SHANK2: variants seen among roughly 807,000 people sequenced by gnomAD.
The protein encoded by SHANK2 is SH3 and multiple ankyrin repeat domains 2.
A neutral mutation model predicts 133.7 loss-of-function variants in SHANK2; 43 were observed. The ratio of observed to expected loss-of-function variants is 0.32; its 90% confidence interval spans 0.25 to 0.41. The LOEUF is 0.41. SHANK2 is among the 10% of genes least tolerant of loss of function. The pLI, the probability that SHANK2 is intolerant of heterozygous loss-of-function variation, is 1.00. For synonymous variants in SHANK2, 1,017 were observed against 952.8 expected, an observed-to-expected ratio of 1.07 and a Z score of -1.24; for missense variants, 1,994 against 2,235.8, an observed-to-expected ratio of 0.89 and a Z score of 2.18.
chr11:70,832,823 C>G (rs1555058956), intron 11 of SHANK2, among the ~76,000 whole-genome samples: 1 of 152,194 alleles, frequency 6.6e-6, no homozygotes, highest in African/African-American at 2.4e-5. Context: ...CTGAGAAGGC[C>G]TGTACTGCCC....
intron 3 of SHANK2, among the ~76,000 whole-genome samples, chr11:71,136,861 G>A (rs553361610): frequency 3.7e-4 from 57 of 152,250 alleles, no homozygotes; most frequent in African/African-American, 1.4e-3. Flanking sequence ...TCATCAAATG[G>A]TATTCTTTTT....
intron 3 of SHANK2, among the ~76,000 whole-genome samples, chr11:71,138,042 G>A (rs1296439158): frequency 6.7e-6 from 1 of 149,780 alleles, no homozygotes; most frequent in Non-Finnish European, 1.5e-5. Flanking sequence ...TGCACCAGCC[G>A]CCCAGAGCCC....
At chr11:70,895,902 T>A (rs953904383) in intron 11 of SHANK2, among the ~76,000 whole-genome samples, 1 of 151,882 alleles carries the variant, frequency 6.6e-6, no homozygotes, top group Non-Finnish European at 1.5e-5. Flanking sequence ...GCAGAAGGAA[T>A]AGAGCTTACC....
chr11:71,132,422 CTG>C (rs1308410947), intron 3 of SHANK2, among the ~76,000 whole-genome samples: 55 of 152,222 alleles, frequency 3.6e-4, no homozygotes, highest in African/African-American at 1.3e-3. Flanking sequence ...TCCCCCTACA[CTG>C]TGGGATTTAC....
At chr11:70,604,125 C>T (rs1344986809) in intron 17 of SHANK2, 1 of 152,252 alleles carries the variant, frequency 6.6e-6, no homozygotes, top group Non-Finnish European at 1.5e-5. Context: ...GGAGGGACAG[C>T]CCCTCTGTCT....
At chr11:71,057,916 T>TTTTTG (rs1463381449) in intron 9 of SHANK2, among the ~76,000 whole-genome samples, 4 of 145,268 alleles carry the variant, frequency 2.8e-5, no homozygotes, top group African/African-American at 1.0e-4. Flanking sequence ...GCAAAACGGT[T>TTTTTG]TTTTTTTTTT....
At chr11:70,891,733 G>T (rs1590803711) in intron 11 of SHANK2, among the ~76,000 whole-genome samples, 1 of 152,078 alleles carries the variant, frequency 6.6e-6, no homozygotes, top group African/African-American at 2.4e-5. Context: ...CCATCCCCCA[G>T]GGTAGAGGGC....
At chr11:71,110,240 C>T (rs1243395661) in intron 5 of SHANK2, among the ~76,000 whole-genome samples, 191 bp from the exon 6 acceptor site, 2 of 152,144 alleles carry the variant, frequency 1.3e-5, no homozygotes, top group Non-Finnish European at 2.9e-5. Context: ...AGATCGAGAC[C>T]ATCCTGGCTA....
At chr11:70,645,424 CA>C (rs1452051129) in intron 17 of SHANK2, among the ~76,000 whole-genome samples, 1 of 151,848 alleles carries the variant, frequency 6.6e-6, no homozygotes, top group Non-Finnish European at 1.5e-5. Flanking sequence ...ACAACAAAAA[CA>C]AAAAACAAAA....
chr11:70,490,194 AG>A, intron 23 of SHANK2, 81 bp downstream of exon 23: 1 of 1,209,038 alleles, frequency 8.3e-7, no homozygotes, highest in Non-Finnish European at 1.2e-6. Flanking sequence ...TGAGAGGCCC[AG>A]GGCTCAGAAT....
At chr11:70,936,616 TTCTC>T (rs1347283993) in intron 10 of SHANK2, among the ~76,000 whole-genome samples, 11 of 152,244 alleles carry the variant, frequency 7.2e-5, no homozygotes, top group Admixed American at 7.2e-4. Context: ...TGCTATTTAT[TTCTC>T]TATCTTGTTG....
intron 3 of SHANK2, among the ~76,000 whole-genome samples, chr11:71,143,994 A>G (rs531935681): frequency 6.6e-6 from 1 of 152,226 alleles, no homozygotes; most frequent in South Asian, 2.1e-4. Flanking sequence ...CCCACTGAAC[A>G]GTGAATTCCC....
chr11:71,065,882 G>GC (rs1951048995), intron 9 of SHANK2, among the ~76,000 whole-genome samples: 2 of 131,314 alleles, frequency 1.5e-5, no homozygotes, highest in Non-Finnish European at 3.3e-5. Flanking sequence ...GGGAAGTTGG[G>GC]GGGGATACAG....
At chr11:70,847,667 T>C (rs1349718977) in intron 11 of SHANK2, among the ~76,000 whole-genome samples, 1 of 152,174 alleles carries the variant, frequency 6.6e-6, no homozygotes, top group Non-Finnish European at 1.5e-5. Context: ...CCATGCTCCC[T>C]CTCAATTCAC....
At chr11:70,835,001 C>T (rs1404086542) in intron 11 of SHANK2, among the ~76,000 whole-genome samples, 4 of 152,074 alleles carry the variant, frequency 2.6e-5, no homozygotes, top group African/African-American at 7.2e-5. Context: ...TGGGGGGCAG[C>T]GGGGAGGAGC....
At chr11:70,548,656 T>A (rs2059726227) in intron 17 of SHANK2, among the ~76,000 whole-genome samples, 1 of 152,228 alleles carries the variant, frequency 6.6e-6, no homozygotes, top group Admixed American at 6.5e-5. Flanking sequence ...ACCCTGGCTG[T>A]TGGGATCACG....
chr11:70,912,757 C>A (rs1950214747), intron 10 of SHANK2, among the ~76,000 whole-genome samples: 1 of 152,158 alleles, frequency 6.6e-6, no homozygotes, highest in Admixed American at 6.6e-5. Context: ...CCACTTAAAC[C>A]TCTTTTTGTT....
At chr11:71,072,403 G>C (rs1445312001) in intron 9 of SHANK2, among the ~76,000 whole-genome samples, 3 of 152,220 alleles carry the variant, frequency 2.0e-5, no homozygotes, top group South Asian at 4.1e-4. Flanking sequence ...CTCCCAGAGG[G>C]CAGGGCTCAC....
At chr11:70,938,170 A>G (rs1555083736) in intron 10 of SHANK2, among the ~76,000 whole-genome samples, 1 of 152,128 alleles carries the variant, frequency 6.6e-6, no homozygotes, top group African/African-American at 2.4e-5. Context: ...CTAGGGACAG[A>G]GTGGGGTGAA....
Sources: gnomAD v4.1 joint callset for allele counts (sites outside exome capture counted in the v4.1 genomes callset) on GRCh38, gnomAD v4.1.1 for gene constraint, MANE v1.5 for transcripts, NCBI Gene and HGNC (gene_info 2026-07-23, HGNC 2026-07-21) for gene names.